Variants in FBH1 observed in about 807,000 individuals in gnomAD.
The protein encoded by FBH1 is DNA 3'-5' helicase 1.
In FBH1, 43 loss-of-function variants were observed where a neutral mutation model predicts 115.5. That is an observed-to-expected ratio of 0.37 (90% CI 0.29 to 0.48). The LOEUF (loss-of-function observed/expected upper bound fraction) is 0.48, where lower values mean the gene tolerates loss of function less well. FBH1 is among the 20% of genes least tolerant of loss of function. The pLI, the probability that FBH1 is intolerant of heterozygous loss-of-function variation, is 0.99. For missense variants in FBH1, 1,001 were observed against 1,337.3 expected, an observed-to-expected ratio of 0.75 and a Z score of 3.92; for synonymous variants, 524 against 507.8, an observed-to-expected ratio of 1.03 and a Z score of -0.43.
chr10:5,930,858 C>A (rs940650339), intron 19 of FBH1, among the ~76,000 whole-genome samples: 3 of 152,108 alleles, frequency 2.0e-5, no homozygotes, highest in Non-Finnish European at 2.9e-5. Flanking sequence ...TAGGCACAGT[C>A]CTCCCACCTC....
chr10:5,923,066 A>G lies in FBH1; in HGVS notation c.2323-555A>G, dbSNP rs1832405524. ...CCCGGCTAATTTTTGTATTTTTGGT[A>G]GAGACGGGGTTTCACCATGTTGGCC... On this transcript the variant is annotated intron_variant, in intron 15 of 20. Transcript: ENST00000362091. This position sits in a 1 kb window ranked among gnomAD's most constrained non-coding sequence, Gnocchi z 5.7. Among the ~76,000 whole-genome samples the G allele has an allele frequency of 6.6e-6, 1 of 152,090 alleles. No individual in the cohort carries two copies. The highest frequency in any genetic ancestry group is 2.4e-5 in the African/African-American group (1 of 41,406).
At chr10:5,896,193 A>T (rs1842993526) in intron 1 of FBH1, among the ~76,000 whole-genome samples, 1 of 152,116 alleles carries the variant, frequency 6.6e-6, no homozygotes, top group Non-Finnish European at 1.5e-5. Context: ...GGACTCGTTC[A>T]GGGGAGACTG....
rs77861195 is a variant in FBH1 at position 5,918,070 on chromosome 10, C to CTT, written c.1964-271_1964-270insTT. 0.13 allele frequency among the ~76,000 whole-genome samples: 19,618 copies of CTT among 152,196 alleles called. 1,328 individuals are homozygous for CTT. The highest frequency in any genetic ancestry group is 0.15 in the Middle Eastern group (45 of 294). ...GAGTGCTATAATATTAGAGAAGACACTGCCTCATTTTAGATTTGCCTGTGT... is the reference window on the plus strand; with the variant it reads ...GAGTGCTATAATATTAGAGAAGACACTTTGCCTCATTTTAGATTTGCCTGTGT... On this transcript the variant is annotated intron_variant, in intron 12 of 20. Transcript: ENST00000362091. This position sits in a 1 kb window ranked among gnomAD's most constrained non-coding sequence, Gnocchi z 4.0.
Position 5,914,975 on chromosome 10 carries a change from G to A in FBH1, c.1397-428G>A, listed in dbSNP as rs116449935. On this transcript the variant is annotated intron_variant, in intron 8 of 20. Coordinates refer to ENST00000362091, the MANE Select transcript of FBH1 (RefSeq NM_178150.3). The surrounding 1 kb of genome is among the most constrained non-coding windows in gnomAD (Gnocchi z 5.2). ...AACTGAAGCACAGAGAGCCTTGCCC[G>A]GGGTTGAATAAGTGGATAGGTGGTG... Among the ~76,000 whole-genome samples, 1,118 of 152,194 alleles carry A rather than the reference G, an allele frequency of 7.3e-3. 14 individuals carry two copies. The highest frequency in any genetic ancestry group is 0.026 in the African/African-American group (1,068 of 41,518).
chr10:5,910,792 A>C lies in FBH1; in HGVS notation c.1021-146A>C, dbSNP rs749782800. The C allele has an allele frequency of 3.1e-6, 2 of 655,100 alleles. No individual in the cohort carries two copies. Among genetic ancestry groups the C allele is most frequent in the Non-Finnish European group, 5.1e-6 (2 of 392,262 alleles). The allele number at this position is 655,100 out of a possible 1,614,324, so 40.6% of individuals were successfully genotyped here. The stretch of plus-strand genomic sequence containing the variant: ...AGAAGGGCTCCCCTGTTTCCCAAAT[A>C]CAACTTGGAAAGTTTGGATTCAGTC... On this transcript the variant is annotated intron_variant, in intron 5 of 20. Coordinates refer to ENST00000362091, the MANE Select transcript of FBH1 (RefSeq NM_178150.3). The surrounding 1 kb of genome is among the most constrained non-coding windows in gnomAD (Gnocchi z 4.8).
intron 1 of FBH1, among the ~76,000 whole-genome samples, chr10:5,891,631 A>G (rs1467905298): frequency 6.6e-6 from 1 of 152,176 alleles, no homozygotes; most frequent in Non-Finnish European, 1.5e-5. Context: ...ATATTTTGAG[A>G]CAGAGTCTCG....
At position 5,932,680 on chromosome 10, in the gene FBH1, T is replaced by C. The variant is rs1833030757; in HGVS notation, c.2830-3776T>C. ...CATGCATTTCTAGAAGTGGAATTGC[T>C]GGGTAAAGATAAATGCAAGTGTGAC... On this transcript the variant is annotated intron_variant, in intron 19 of 20. Coordinates refer to ENST00000362091, the MANE Select transcript of FBH1 (RefSeq NM_178150.3). The surrounding 1 kb of genome is among the most constrained non-coding windows in gnomAD (Gnocchi z 5.9). 6.6e-6 allele frequency among the ~76,000 whole-genome samples: 1 copy of C among 152,200 alleles called. No individual in the cohort carries two copies. Among genetic ancestry groups the C allele is most frequent in the Admixed American group, 6.5e-5 (1 of 15,272 alleles).
In FBH1 at chr10:5,897,310, C is replaced by T. The variant is rs2131844676; in HGVS notation, c.2-5710C>T. Among the ~76,000 whole-genome samples the T allele has an allele frequency of 6.6e-6, 1 of 152,248 alleles. No homozygotes were observed. Among genetic ancestry groups the T allele is most frequent in the Non-Finnish European group, 1.5e-5 (1 of 68,012 alleles). ...ATACCTGCCAAGTGTGGGTCTTCTC[C>T]TGCACCCCACAGCCTCGGAGGGGCT... On this transcript the variant is annotated intron_variant, in intron 1 of 20. Transcript: ENST00000362091. This position sits in a 1 kb window ranked among gnomAD's most constrained non-coding sequence, Gnocchi z 4.7.
rs1843072836 is a variant in FBH1 at position 5,897,379 on chromosome 10, G to A, written c.2-5641G>A. ...TAAAGCGTGTAATTGCAGAGGAGGT[G>A]GACACAGGGCTCCTGCGGAGGAGGT... On this transcript the variant is annotated intron_variant, in intron 1 of 20. Transcript: ENST00000362091. The surrounding 1 kb of genome is among the most constrained non-coding windows in gnomAD (Gnocchi z 4.7). 6.6e-6 allele frequency among the ~76,000 whole-genome samples: 1 copy of A among 150,582 alleles called. No individual in the cohort carries two copies. The highest frequency in any genetic ancestry group is 2.5e-5 in the African/African-American group (1 of 40,550).
Position 5,915,978 on chromosome 10 carries a change from C to G in FBH1, c.1566-256C>G, listed in dbSNP as rs1018365360. On this transcript the variant is annotated intron_variant, in intron 9 of 20. Coordinates refer to ENST00000362091, the MANE Select transcript of FBH1 (RefSeq NM_178150.3). The surrounding 1 kb of genome is among the most constrained non-coding windows in gnomAD (Gnocchi z 5.2). ...CTCCAAGGGTCCCTCCGGGGACCTTCTGGAGCCCAGCTTCATGGTGGAATA... is the reference window on the plus strand; with the variant it reads ...CTCCAAGGGTCCCTCCGGGGACCTTGTGGAGCCCAGCTTCATGGTGGAATA... The G allele has an allele frequency of 3.8e-6, 2 of 523,636 alleles. No individual in the cohort carries two copies. Among genetic ancestry groups the G allele is most frequent in the Non-Finnish European group, 6.9e-6 (2 of 291,190 alleles). The allele number at this position is 523,636 out of a possible 1,614,324, so 32.4% of individuals were successfully genotyped here.
intron 18 of FBH1, among the ~76,000 whole-genome samples, chr10:5,926,117 T>A (rs1832635806): frequency 1.6e-5 from 1 of 62,204 alleles, no homozygotes; most frequent in Non-Finnish European, 4.6e-5. Context: ...ATTCTTATTC[T>A]TCTTATTATT....
chr10:5,916,045 A>C (rs747848675), intron 9 of FBH1, 189 bp from the exon 10 acceptor site: 7 of 600,504 alleles, frequency 1.2e-5, no homozygotes, highest in Admixed American at 3.0e-5. Context: ...GGGTTGGTAC[A>C]TGTGAGTCCT....
chr10:5,922,802 T>A (rs1443882784), intron 15 of FBH1, among the ~76,000 whole-genome samples: 1 of 152,228 alleles, frequency 6.6e-6, no homozygotes, highest in South Asian at 2.1e-4. Context: ...TTGGAAGATC[T>A]GAGCTAAACA....
chr10:5,915,734 T>G lies in FBH1; in HGVS notation c.1565+163T>G, dbSNP rs1831886135. 1 of 637,852 alleles carries G rather than the reference T, an allele frequency of 1.6e-6. No homozygotes were observed. Among genetic ancestry groups the G allele is most frequent in the African/African-American group, 1.8e-5 (1 of 54,642 alleles). The allele number at this position is 637,852 out of a possible 1,614,324, so 39.5% of individuals were successfully genotyped here. A position where few individuals can be genotyped will look rare whatever the true frequency, so the allele number is the denominator to read the frequency against. ...AAACAAATACATAGGTTTAGCCATTTGTACTTTTATCCTGTAGCAACATAT... is the reference window on the plus strand; with the variant it reads ...AAACAAATACATAGGTTTAGCCATTGGTACTTTTATCCTGTAGCAACATAT... On this transcript the variant is annotated intron_variant, in intron 9 of 20. Coordinates refer to ENST00000362091, the MANE Select transcript of FBH1 (RefSeq NM_178150.3). The surrounding 1 kb of genome is among the most constrained non-coding windows in gnomAD (Gnocchi z 5.2).
In FBH1 at chr10:5,895,905, G is replaced by T. The variant is rs960444181; in HGVS notation, c.1+5559G>T. ...CCTGCACGCAGGACTGGGAAGTATA[G>T]CCCAGCTGTGTGCTCAGGGAGAAGA... On this transcript the variant is annotated intron_variant, in intron 1 of 20. Coordinates refer to ENST00000362091, the MANE Select transcript of FBH1 (RefSeq NM_178150.3). The surrounding 1 kb of genome is among the most constrained non-coding windows in gnomAD (Gnocchi z 5.0). Among the ~76,000 whole-genome samples the T allele has an allele frequency of 6.6e-6, 1 of 152,194 alleles. No individual in the cohort carries two copies. Among genetic ancestry groups the T allele is most frequent in the Non-Finnish European group, 1.5e-5 (1 of 68,044 alleles).
At position 5,924,243 on chromosome 10, in the gene FBH1, G is replaced by A. The variant is rs1016311764; in HGVS notation, c.2399-68G>A. On this transcript the variant is annotated intron_variant, in intron 16 of 20. Transcript: ENST00000362091. The surrounding 1 kb of genome is among the most constrained non-coding windows in gnomAD (Gnocchi z 6.2). Reference sequence around the variant, plus strand: ...TGCTCTTGCGCAGCTGCTTAGGAACGTGCAGCACCTGCCACCATCTGTTAG... The same window carrying A: ...TGCTCTTGCGCAGCTGCTTAGGAACATGCAGCACCTGCCACCATCTGTTAG... The A allele has an allele frequency of 7.9e-6, 12 of 1,522,850 alleles. No individual in the cohort carries two copies. The highest frequency in any genetic ancestry group is 3.4e-5 in the Admixed American group (2 of 58,494). 94.3% of individuals were successfully genotyped at this position (1,522,850 alleles called of 1,614,324 possible). A position where few individuals can be genotyped will look rare whatever the true frequency, so the allele number is the denominator to read the frequency against.
Position 5,897,694 on chromosome 10 carries a change from G to T in FBH1, c.2-5326G>T, listed in dbSNP as rs1472333669. Among the ~76,000 whole-genome samples, 1 of 152,032 alleles carries T rather than the reference G, an allele frequency of 6.6e-6. No individual in the cohort carries two copies. The highest frequency in any genetic ancestry group is 1.9e-4 in the East Asian group (1 of 5,180). On this transcript the variant is annotated intron_variant, in intron 1 of 20. Transcript: ENST00000362091. This position sits in a 1 kb window ranked among gnomAD's most constrained non-coding sequence, Gnocchi z 4.7. ...CACCAGTCTAAGCGCCCCTCCCCCG[G>T]TACCGAACCTCAGTTCCTCCCAGGG... is the stretch of plus-strand genomic sequence containing the variant.
chr10:5,934,364 G>GTTTTTTTTTTTTTTTT (rs60109796), intron 19 of FBH1: 1 of 141,090 alleles, frequency 7.1e-6, no homozygotes, highest in African/African-American at 2.7e-5. Context: ...TCAAAGACAG[G>GTTTTTTTTTTTTTTTT]TTTTTTTTTT....
rs747544101 is a variant in FBH1, at chr10:5,917,728, A to G, written c.1963+52A>G. Reference sequence around the variant, plus strand: ...GTGTCAAATACGTAGAAACAGCGCCATGATTATGTAAGAGGACACCTGTGT... The same window carrying G: ...GTGTCAAATACGTAGAAACAGCGCCGTGATTATGTAAGAGGACACCTGTGT... On this transcript the variant is annotated intron_variant, in intron 12 of 20. Coordinates refer to ENST00000362091, the MANE Select transcript of FBH1 (RefSeq NM_178150.3). This position sits in a 1 kb window ranked among gnomAD's most constrained non-coding sequence, Gnocchi z 5.6. The G allele has an allele frequency of 2.9e-6, 4 of 1,390,680 alleles. No homozygotes were observed. The highest frequency in any genetic ancestry group is 2.4e-5 in the South Asian group (2 of 84,182). 86.1% of individuals were successfully genotyped at this position (1,390,680 alleles called of 1,614,324 possible).
Sources: gnomAD v4.1 joint callset for allele counts (sites outside exome capture counted in the v4.1 genomes callset) on GRCh38, gnomAD v4.1.1 for gene constraint, Gnocchi (gnomAD v3.1) non-coding constraint, MANE v1.5 for transcripts, NCBI Gene and HGNC (gene_info 2026-07-23, HGNC 2026-07-21) for gene names.